The following MSI1 variants were observed in gnomAD, a reference collection of about 807,000 sequenced individuals.
MSI1 encodes the protein musashi RNA binding protein 1.
Under a neutral mutation model 54.4 loss-of-function variants are expected in MSI1, and 15 were observed. The ratio of observed to expected loss-of-function variants is 0.28; its 90% CI spans 0.18 to 0.42. The LOEUF is 0.42. Among genes scored for constraint, MSI1 ranks in the 20% least tolerant of loss-of-function variants. The pLI, the probability that MSI1 is intolerant of heterozygous loss-of-function variation, is 1.00. For synonymous variants in MSI1, 200 were observed against 196.5 expected (o/e 1.02, Z -0.15); for missense variants, 304 against 506.0 (o/e 0.60, Z 3.83).
intron 13 of MSI1, among the ~76,000 whole-genome samples, chr12:120,345,892 A>G (rs934940840): frequency 1.3e-5 from 2 of 152,080 alleles, no homozygotes; most frequent in African/African-American, 4.8e-5. Flanking sequence ...CCTCCATGTG[A>G]GCAGAGATGC....
intron 9 of MSI1, among the ~76,000 whole-genome samples, chr12:120,355,412 A>G (rs1875022601): frequency 6.6e-6 from 1 of 152,038 alleles, no homozygotes. Flanking sequence ...CAAAAAAAAA[A>G]AAAAAAAGAA....
At chr12:120,346,580 T>C (rs910057365) in intron 12 of MSI1, among the ~76,000 whole-genome samples, 2 of 151,906 alleles carry the variant, frequency 1.3e-5, no homozygotes, top group Admixed American at 6.6e-5. Flanking sequence ...TGAATGCATG[T>C]TCTAAACCCT....
chr12:120,354,055 G>A (rs1874866955), intron 9 of MSI1, among the ~76,000 whole-genome samples: 1 of 151,658 alleles, frequency 6.6e-6, no homozygotes, highest in Admixed American at 6.6e-5. Context: ...TACAATTGTA[G>A]GTCACTGCAG....
rs374132082 is a variant in MSI1, at chr12:120,368,121, T to C, written c.183-29A>G. 5.6e-6 allele frequency: 9 copies of C among 1,610,352 alleles called. No individual in the cohort carries two copies. The highest frequency in any genetic ancestry group is 5.0e-5 in the Admixed American group (3 of 59,530). The stretch of plus-strand genomic sequence containing the variant: ...CGCGCCGTAGTGAGGGAGAGGCAGA[T>C]GGTTACAAGGCAGTGAGTGGCGGGT... On this transcript the variant is annotated intron_variant, in intron 3 of 14. Transcript: ENST00000257552. The surrounding 1 kb of genome is among the most constrained non-coding windows in gnomAD (Gnocchi z 6.6).
intron 11 of MSI1, among the ~76,000 whole-genome samples, chr12:120,349,968 A>ACTG (rs1874456231): frequency 6.6e-6 from 1 of 152,186 alleles, no homozygotes; most frequent in East Asian, 1.9e-4. Flanking sequence ...GTTCTGTGAG[A>ACTG]TCAGGGCCTG....
intron 5 of MSI1, 63 bp downstream of exon 5, chr12:120,364,651 G>A (rs371143358): frequency 4.7e-5 from 69 of 1,463,462 alleles, no homozygotes; most frequent in Non-Finnish European, 6.1e-5. Flanking sequence ...GGAAATACTG[G>A]GAAAATCACT....
In MSI1 at chr12:120,368,797, C is replaced by A; in HGVS notation, c.100+36G>T. 5 of 1,414,878 alleles carry A rather than the reference C, an allele frequency of 3.5e-6. No individual in the cohort carries two copies. The highest frequency in any genetic ancestry group is 3.7e-6 in the Non-Finnish European group (4 of 1,069,676). 87.6% of individuals were successfully genotyped at this position (1,414,878 alleles called of 1,614,324 possible). A position where few individuals can be genotyped will look rare whatever the true frequency, so the allele number is the denominator to read the frequency against. ...CGGGGCGCCGGGGGGTCCGGGGTGC[C>A]CTGCCGGACCGGCGGGCGCTCCCGG... On this transcript the variant is annotated intron_variant, in intron 2 of 14. Transcript: ENST00000257552. This position sits in a 1 kb window ranked among gnomAD's most constrained non-coding sequence, Gnocchi z 6.6.
At chr12:120,355,398 G>A (rs1268868400) in intron 9 of MSI1, among the ~76,000 whole-genome samples, 4 of 97,262 alleles carry the variant, frequency 4.1e-5, no homozygotes, top group African/African-American at 8.6e-5. Flanking sequence ...GTGAGACTCC[G>A]TCTCAAAAAA....
rs367765145 is a variant in MSI1, at chr12:120,357,008, C to T, written c.546G>A (p.Lys182=). The change falls in exon 9 of 15, where the codon AAG becomes AAA. Residue 182 remains lysine (K), a synonymous_variant. Transcript: ENST00000257552. ...HEINNKMVEC[K]KAQPKEVMSP... ...ACATCACCTCCTTTGGCTGAGCTTT[C>T]TTACATTCCACCTGCAATGAGACCT... 8.7e-6 allele frequency: 14 copies of T among 1,614,160 alleles called. No individual in the cohort carries two copies. The highest frequency in any genetic ancestry group is 1.2e-5 in the Non-Finnish European group (14 of 1,180,052).
At chr12:120,358,878 G>T in intron 7 of MSI1, 127 bp downstream of exon 7, 2 of 1,118,644 alleles carry the variant, frequency 1.8e-6, no homozygotes, top group Non-Finnish European at 2.6e-6. Context: ...GTAAGGCCAG[G>T]CCTGGGAGAG....
chr12:120,363,165 A>G (rs751061071), intron 5 of MSI1, 30 bp from the exon 6 acceptor site: 6 of 1,597,536 alleles, frequency 3.8e-6, no homozygotes, highest in African/African-American at 1.3e-5. Context: ...GAAAGTGGGC[A>G]TCTGAGTCCT....
chr12:120,349,841 T>C (rs1246123875), intron 11 of MSI1, among the ~76,000 whole-genome samples: 1 of 152,234 alleles, frequency 6.6e-6, no homozygotes, highest in Non-Finnish European at 1.5e-5. Flanking sequence ...GGTCTGTTGT[T>C]TGGCTCATTT....
intron 11 of MSI1, among the ~76,000 whole-genome samples, chr12:120,350,343 G>A (rs1205197870): frequency 6.6e-6 from 1 of 152,088 alleles, no homozygotes; most frequent in Non-Finnish European, 1.5e-5. Context: ...GTTCTTAAAT[G>A]AGTAACAAGG....
chr12:120,342,468 AG>A lies in MSI1; in HGVS notation c.*658del, dbSNP rs1456789373. On this transcript the variant is annotated 3_prime_UTR_variant, in exon 15 of 15. Transcript: ENST00000257552. ...ATATGATACAGGACGGGATGGTTCC[AG>A]GGGCTCGGCCTGGCCTCCCCGCAGC... 7.2e-5 allele frequency: 11 copies of A among 152,372 alleles called. No homozygotes were observed. Among genetic ancestry groups the A allele is most frequent in the Non-Finnish European group, 4.4e-5 (3 of 67,986 alleles). The allele number at this position is 152,372 out of a possible 1,614,324, so 9.4% of individuals were successfully genotyped here.
In MSI1 at chr12:120,368,754, G is replaced by A; in HGVS notation, c.100+79C>T. Reference sequence around the variant, plus strand: ...CCGGGGTCAGCAGGGCGCAGGGCCGGGCTGGGGTGTCCGGGTCCGGGGCGC... The same window carrying A: ...CCGGGGTCAGCAGGGCGCAGGGCCGAGCTGGGGTGTCCGGGTCCGGGGCGC... On this transcript the variant is annotated intron_variant, in intron 2 of 14. Coordinates refer to ENST00000257552, the MANE Select transcript of MSI1 (RefSeq NM_002442.4). This position sits in a 1 kb window ranked among gnomAD's most constrained non-coding sequence, Gnocchi z 6.6. 7.9e-7 allele frequency: 1 copy of A among 1,269,840 alleles called. No homozygotes were observed. Among genetic ancestry groups the A allele is most frequent in the Non-Finnish European group, 1.0e-6 (1 of 986,942 alleles). 78.7% of individuals were successfully genotyped at this position (1,269,840 alleles called of 1,614,324 possible).
At position 120,369,151 on chromosome 12, in the gene MSI1, G is replaced by C; in HGVS notation, c.-60C>G. Reference sequence around the variant, plus strand: ...GGCGGCGGCGGCGGCGGCGGCGCTCGGCGCGGGGCAGATGAGGAGCGCGGC... The same window carrying C: ...GGCGGCGGCGGCGGCGGCGGCGCTCCGCGCGGGGCAGATGAGGAGCGCGGC... On this transcript the variant is annotated 5_prime_UTR_variant, in exon 1 of 15. Transcript: ENST00000257552. 1.0e-5 allele frequency: 10 copies of C among 999,550 alleles called. No individual in the cohort carries two copies. The highest frequency in any genetic ancestry group is 1.2e-5 in the Non-Finnish European group (10 of 843,936). 61.9% of individuals were successfully genotyped at this position (999,550 alleles called of 1,614,324 possible).
intron 12 of MSI1, 21 bp from the exon 13 acceptor site, chr12:120,346,343 C>T (rs377662307): frequency 4.9e-5 from 74 of 1,504,876 alleles, no homozygotes; most frequent in Middle Eastern, 1.8e-4. Context: ...AGAAAGAAGA[C>T]GGTGATAGCC....
At chr12:120,353,473 C>A in intron 9 of MSI1, 94 bp from the exon 10 acceptor site, 1 of 1,106,064 alleles carries the variant, frequency 9.0e-7, no homozygotes, top group Non-Finnish European at 1.4e-6. Flanking sequence ...CCCTCACCTT[C>A]CTTTATCATG....
Sources: allele counts gnomAD v4.1 joint callset (sites outside exome capture counted in the v4.1 genomes callset), GRCh38; gene constraint gnomAD v4.1.1; non-coding constraint Gnocchi (gnomAD v3.1); transcripts MANE v1.5; gene names NCBI Gene and HGNC (gene_info 2026-07-23, HGNC 2026-07-21).